Variants in AUH observed in about 807,000 individuals in gnomAD.
AUH encodes methylglutaconyl-CoA hydratase, mitochondrial.
AUH carries 29 observed loss-of-function variants against 42.3 expected under a neutral mutation model. The observed-to-expected ratio is 0.69, with a 90% CI of 0.51 to 0.93. The LOEUF is 0.93. Among genes scored for constraint, AUH ranks in the 40% least tolerant of loss-of-function variants. The pLI is 0.00. For missense variants in AUH, 452 were observed against 438.1 expected (o/e 1.03, Z -0.28); for synonymous variants, 174 against 166.4 (o/e 1.05, Z -0.35).
chr9:91,259,922 G>T (rs1433987171), intron 6 of AUH, among the ~76,000 whole-genome samples: 2 of 151,998 alleles, frequency 1.3e-5, no homozygotes, highest in Admixed American at 1.3e-4. Context: ...AGGTCAAATT[G>T]TTTCCTAATA....
In AUH at chr9:91,332,392, C is replaced by T. The variant is rs372413856; in HGVS notation, c.419-6988G>A. Among the ~76,000 whole-genome samples the T allele has an allele frequency of 1.2e-3, 180 of 152,152 alleles. 1 individual carries two copies. The highest frequency in any genetic ancestry group is 4.3e-3 in the African/African-American group (179 of 41,526). ...TGGCGGGTGCCTGTAATCTCGGCTA[C>T]TTGGGAGGCTGAGGCAGGAAAATCA... On this transcript the variant is annotated intron_variant, in intron 3 of 9. Transcript: ENST00000375731.
chr9:91,245,661 C>T (rs923777051), intron 6 of AUH, among the ~76,000 whole-genome samples: 10 of 152,244 alleles, frequency 6.6e-5, no homozygotes, highest in African/African-American at 2.4e-4. Flanking sequence ...TAGAAGCAAA[C>T]GGGTGCCAAG....
intron 6 of AUH, among the ~76,000 whole-genome samples, chr9:91,232,269 A>C (rs1827930879): frequency 2.0e-5 from 3 of 152,074 alleles, no homozygotes; most frequent in African/African-American, 7.2e-5. Context: ...CTGACTACGG[A>C]GGCTGAGGCA....
chr9:91,276,307 TG>T (rs1347039228), intron 6 of AUH, among the ~76,000 whole-genome samples: 2 of 151,704 alleles, frequency 1.3e-5, no homozygotes, highest in African/African-American at 4.8e-5. Flanking sequence ...GGCGGACGCC[TG>T]TAATCCCAGC....
At chr9:91,278,931 T>A (rs1416437117) in intron 6 of AUH, among the ~76,000 whole-genome samples, 5 of 152,176 alleles carry the variant, frequency 3.3e-5, no homozygotes, top group Admixed American at 6.5e-5. Context: ...TAATAACATT[T>A]ATGTCAAATT....
chr9:91,357,426 G>T, intron 1 of AUH: 3 of 878,224 alleles, frequency 3.4e-6, no homozygotes, highest in Non-Finnish European at 4.1e-6. Context: ...TCCTCAGGAA[G>T]AAAATCAAGC....
intron 6 of AUH, among the ~76,000 whole-genome samples, chr9:91,252,574 T>G (rs1829195485): frequency 6.6e-6 from 1 of 152,204 alleles, no homozygotes; most frequent in Non-Finnish European, 1.5e-5. Context: ...AGACTGTGTG[T>G]GGCCATCTTC....
rs74484860 is a variant in AUH at position 91,361,813 on chromosome 9, C to T, written c.77G>A (p.Cys26Tyr). ...HAGGARLVAA[C>Y]SAWLCPGLRL... ...CAACCCCGGGCAGAGCCACGCACTG[C>T]AAGCGGCCACCAGGCGGGCGCCGCC... Residue 26 changes from cysteine (C) to tyrosine (Y), a missense_variant, in exon 1 of 10, where the codon TGC becomes TAC. By Grantham distance (194) the Cys-to-Tyr change is radical. Transcript: ENST00000375731. 1,702 of 1,513,374 alleles carry T rather than the reference C, an allele frequency of 1.1e-3. 20 individuals carry two copies. In the African/African-American group the frequency reaches 0.019, roughly 17 times the overall value. The allele number at this position is 1,513,374 out of a possible 1,614,324, so 93.7% of individuals were successfully genotyped here.
chr9:91,305,511 G>A (rs1202772163), intron 4 of AUH, among the ~76,000 whole-genome samples: 1 of 152,138 alleles, frequency 6.6e-6, no homozygotes, highest in African/African-American at 2.4e-5. Context: ...GCAACTGTGG[G>A]GAGTTCAAAT....
intron 6 of AUH, among the ~76,000 whole-genome samples, chr9:91,288,703 ATTTTG>A (rs1443637335): frequency 2.0e-5 from 3 of 152,116 alleles, no homozygotes; most frequent in Non-Finnish European, 4.4e-5. Flanking sequence ...AGGAGGTTCG[ATTTTG>A]TTTTAATGTT....
intron 8 of AUH, 78 bp from the exon 9 acceptor site, chr9:91,216,184 A>T (rs775661091): frequency 7.2e-7 from 1 of 1,379,560 alleles, no homozygotes; most frequent in Non-Finnish European, 1.0e-6. Flanking sequence ...TTCAAATTGA[A>T]TAACCTTATC....
At chr9:91,252,569 GT>G (rs1425394800) in intron 6 of AUH, among the ~76,000 whole-genome samples, 1 of 152,134 alleles carries the variant, frequency 6.6e-6, no homozygotes, top group Non-Finnish European at 1.5e-5. Flanking sequence ...AACAAAGACT[GT>G]GTGTGGCCAT....
At chr9:91,274,169 T>C (rs1825369733) in intron 6 of AUH, among the ~76,000 whole-genome samples, 1 of 152,152 alleles carries the variant, frequency 6.6e-6, no homozygotes, top group South Asian at 2.1e-4. Flanking sequence ...AAAAAAAATA[T>C]ATAAGCCTAT....
intron 4 of AUH, among the ~76,000 whole-genome samples, chr9:91,318,454 C>T (rs1829323456): frequency 6.6e-6 from 1 of 152,172 alleles, no homozygotes; most frequent in Non-Finnish European, 1.5e-5. Context: ...CCTTTCCCAC[C>T]TTATGCTTTC....
intron 6 of AUH, chr9:91,294,696 G>A (rs564197313): frequency 4.4e-6 from 2 of 455,966 alleles, no homozygotes; most frequent in East Asian, 7.0e-5. Flanking sequence ...CATGATTCAT[G>A]GGAAGAGGCC....
intron 6 of AUH, among the ~76,000 whole-genome samples, chr9:91,259,094 T>C (rs912661898): frequency 2.0e-5 from 3 of 152,220 alleles, no homozygotes; most frequent in Non-Finnish European, 4.4e-5. Context: ...GTAGAAATGA[T>C]AATATTTCTT....
chr9:91,314,120 G>A (rs956696431), intron 4 of AUH, among the ~76,000 whole-genome samples: 2 of 152,100 alleles, frequency 1.3e-5, no homozygotes, highest in African/African-American at 2.4e-5. Context: ...CACTGTGCCT[G>A]CCCATAAACG....
rs1832879391 is a variant in AUH, at chr9:91,361,748, C to T, written c.142G>A (p.Ala48Thr). Residue 48 changes from alanine (A) to threonine (T), a missense_variant, in exon 1 of 10, where the codon GCG becomes ACG. Physicochemically the swap from Ala to Thr is moderately conservative, Grantham distance 58. Coordinates refer to ENST00000375731, the MANE Select transcript of AUH (RefSeq NM_001698.3). ...GGTACCCAGCCCTGGGCCCAGATCG[C>T]CGGGCCCGCTCGCCGGCCTGCCAAC... ...GSLAGRRAGP[A>T]IWAQGWVPAA... 1.3e-6 allele frequency: 2 copies of T among 1,545,442 alleles called. No homozygotes were observed. The highest frequency in any genetic ancestry group is 1.2e-5 in the South Asian group (1 of 83,304).
In AUH at chr9:91,214,367, G is replaced by C. The variant is rs1305192998; in HGVS notation, c.1001C>G (p.Pro334Arg). 1.2e-6 allele frequency: 2 copies of C among 1,609,780 alleles called. No individual in the cohort carries two copies. The highest frequency in any genetic ancestry group is 1.7e-6 in the Non-Finnish European group (2 of 1,177,930). Residue 334 changes from proline (P) to arginine (R), a missense_variant, in exon 10 of 10, where the codon CCT becomes CGT. Pro to Arg is a moderately radical substitution (Grantham distance 103). Coordinates refer to ENST00000375731, the MANE Select transcript of AUH (RefSeq NM_001698.3). ...GLLAFKEKRP[P>R]RYKGE is the part of the protein sequence containing the mutation. ...TTCCTTTTATTCTCCTTTATAGCGA[G>C]GGGGCCTTTTCTCTTTAAAAGCAAG...
Sources: allele counts gnomAD v4.1 joint callset (sites outside exome capture counted in the v4.1 genomes callset), GRCh38; gene constraint gnomAD v4.1.1; transcripts MANE v1.5; gene names NCBI Gene and HGNC (gene_info 2026-07-23, HGNC 2026-07-21).